The following GRM8 variants were observed in gnomAD, a reference collection of about 807,000 sequenced individuals.
GRM8 encodes glutamate metabotropic receptor 8, also known as metabotropic glutamate receptor 8.
GRM8 carries 47 observed loss-of-function variants against 87.2 expected under a neutral mutation model. That is an observed-to-expected ratio of 0.54 (90% CI 0.43 to 0.69). GRM8 has a LOEUF of 0.69. Among genes scored for constraint, GRM8 ranks in the 30% least tolerant of loss-of-function variants. The pLI, the probability that GRM8 is intolerant of heterozygous loss-of-function variation, is 0.00. For synonymous variants in GRM8, 396 were observed against 404.5 expected (o/e 0.98, Z 0.25); for missense variants, 1,019 against 1,139.2 (o/e 0.89, Z 1.52).
At chr7:126,547,466 C>A (rs1441994605) in intron 8 of GRM8, among the ~76,000 whole-genome samples, 1 of 151,430 alleles carries the variant, frequency 6.6e-6, no homozygotes, top group Non-Finnish European at 1.5e-5. Context: ...AATAATATAT[C>A]TGATACATTA....
chr7:127,197,672 C>T (rs1262653341), intron 2 of GRM8, among the ~76,000 whole-genome samples: 1 of 151,194 alleles, frequency 6.6e-6, no homozygotes, highest in East Asian at 1.9e-4. Flanking sequence ...GGTAAACAAA[C>T]CAGGGATTTC....
chr7:127,141,331 C>A (rs1322547355), intron 2 of GRM8, among the ~76,000 whole-genome samples: 2 of 151,986 alleles, frequency 1.3e-5, no homozygotes, highest in Non-Finnish European at 2.9e-5. Flanking sequence ...GCACTCAGAC[C>A]TGAGTAGATG....
At chr7:127,159,023 C>T (rs938274229) in intron 2 of GRM8, among the ~76,000 whole-genome samples, 2 of 152,142 alleles carry the variant, frequency 1.3e-5, no homozygotes, top group African/African-American at 4.8e-5. Context: ...CAGGAGAAAG[C>T]CTGTATGGAA....
chr7:126,466,042 GAA>G (rs554895462), intron 9 of GRM8, among the ~76,000 whole-genome samples: 137 of 151,990 alleles, frequency 9.0e-4, no homozygotes, highest in African/African-American at 3.2e-3. Context: ...TAATTTAAGT[GAA>G]GTTTAGTTAA....
intron 3 of GRM8, among the ~76,000 whole-genome samples, chr7:126,936,413 C>T (rs1057407174): frequency 6.6e-6 from 1 of 152,068 alleles, no homozygotes; most frequent in South Asian, 2.1e-4. Context: ...TTTTATAACC[C>T]GTCAATAGGA....
intron 7 of GRM8, among the ~76,000 whole-genome samples, chr7:126,739,411 C>G (rs1394669058): frequency 3.4e-5 from 2 of 59,272 alleles, no homozygotes; most frequent in Non-Finnish European, 1.1e-4. Context: ...TGTTTGCACA[C>G]ACACACACAC....
chr7:126,563,779 CA>C (rs1478137380), intron 8 of GRM8, among the ~76,000 whole-genome samples: 1 of 152,188 alleles, frequency 6.6e-6, no homozygotes, highest in Non-Finnish European at 1.5e-5. Context: ...ACAAAACCTA[CA>C]GGTATACTTG....
intron 7 of GRM8, among the ~76,000 whole-genome samples, chr7:126,614,715 T>C (rs75745209): frequency 0.016 from 2,376 of 152,242 alleles, 48 homozygotes; most frequent in African/African-American, 0.042. Context: ...GCACGAGAAA[T>C]ACGTGATGAA....
chr7:126,744,226 C>A (rs1009562968), intron 7 of GRM8, among the ~76,000 whole-genome samples: 1 of 151,916 alleles, frequency 6.6e-6, no homozygotes, highest in Non-Finnish European at 1.5e-5. Flanking sequence ...AATTAGCCAT[C>A]TTTTTAATGG....
chr7:127,165,366 T>A (rs927294251), intron 2 of GRM8, among the ~76,000 whole-genome samples: 10 of 151,662 alleles, frequency 6.6e-5, no homozygotes, highest in Non-Finnish European at 1.3e-4. Flanking sequence ...TAAAAAGCCC[T>A]CTTAAATATA....
chr7:127,220,982 C>G (rs1796892555), intron 2 of GRM8, among the ~76,000 whole-genome samples: 1 of 152,178 alleles, frequency 6.6e-6, no homozygotes, highest in Non-Finnish European at 1.5e-5. Flanking sequence ...CCCTAGCCCC[C>G]AAGGTAAGGA....
At chr7:126,901,822 A>G (rs1802104810) in intron 6 of GRM8, among the ~76,000 whole-genome samples, 1 of 152,130 alleles carries the variant, frequency 6.6e-6, no homozygotes, top group African/African-American at 2.4e-5. Context: ...GTATTCTTTA[A>G]ATTTCATTTT....
intron 3 of GRM8, among the ~76,000 whole-genome samples, chr7:127,016,861 A>T (rs1449464327): frequency 6.6e-6 from 1 of 152,102 alleles, no homozygotes; most frequent in South Asian, 2.1e-4. Context: ...ACTAAAATAA[A>T]GTTTATTAAA....
intron 6 of GRM8, among the ~76,000 whole-genome samples, chr7:126,902,087 T>C (rs1802140878): frequency 2.6e-5 from 4 of 152,208 alleles, no homozygotes; most frequent in African/African-American, 9.6e-5. Flanking sequence ...ATCATACATG[T>C]TCCAGGATAG....
rs1375834016 is a variant in GRM8, at chr7:126,792,103, G to C, written c.1157-22038C>G. ...TGTTATCCCAGTACCTGGAGAGCAAGGCCCATGGTCCCAGGATGCCCCTCA... is the reference window on the plus strand; with the variant it reads ...TGTTATCCCAGTACCTGGAGAGCAACGCCCATGGTCCCAGGATGCCCCTCA... On this transcript the variant is annotated intron_variant, in intron 6 of 10. Coordinates refer to ENST00000339582, the MANE Select transcript of GRM8 (RefSeq NM_000845.3). Among the ~76,000 whole-genome samples, 9 of 152,290 alleles carry C rather than the reference G, an allele frequency of 5.9e-5. No homozygotes were observed. In the East Asian group the frequency reaches 1.5e-3, roughly 26 times the overall value.
chr7:126,845,688 CT>C (rs1297342727), intron 6 of GRM8, among the ~76,000 whole-genome samples: 2 of 152,126 alleles, frequency 1.3e-5, no homozygotes. Flanking sequence ...ATATTTGTAT[CT>C]TTGTTGGGAA....
chr7:127,020,940 A>G (rs1230199710), intron 3 of GRM8, among the ~76,000 whole-genome samples: 1 of 152,038 alleles, frequency 6.6e-6, no homozygotes, highest in Non-Finnish European at 1.5e-5. Flanking sequence ...AGCTTCCCTT[A>G]GCTAAGGGAA....
chr7:126,636,865 T>C (rs1585312821), intron 7 of GRM8, among the ~76,000 whole-genome samples: 1 of 152,214 alleles, frequency 6.6e-6, no homozygotes, highest in African/African-American at 2.4e-5. Flanking sequence ...ATATACAACT[T>C]ATTTATATTT....
At chr7:127,102,176 A>G (rs1411307019) in intron 3 of GRM8, among the ~76,000 whole-genome samples, 2 of 152,226 alleles carry the variant, frequency 1.3e-5, no homozygotes, top group Non-Finnish European at 2.9e-5. Context: ...AACCTATATC[A>G]GATGTGGGAG....
Sources: allele counts gnomAD v4.1 joint callset (sites outside exome capture counted in the v4.1 genomes callset), GRCh38; gene constraint gnomAD v4.1.1; transcripts MANE v1.5; gene names NCBI Gene and HGNC (gene_info 2026-07-23, HGNC 2026-07-21).